Variants in ABCC1 observed in about 807,000 individuals in gnomAD.
ABCC1 encodes ATP binding cassette subfamily C member 1 (ABCC1 blood group).
ABCC1 carries 83 observed loss-of-function variants against 172.9 expected under a neutral mutation model. The observed-to-expected ratio is 0.48, with a 90% CI of 0.40 to 0.58. The LOEUF (loss-of-function observed/expected upper bound fraction) is 0.58, where lower values mean the gene tolerates loss of function less well. Ranked by LOEUF, ABCC1 falls within the 20% of genes least tolerant of loss-of-function variation. The probability of loss-of-function intolerance (pLI) is 0.00; values close to 1 mark genes in which losing one functional copy is unlikely to be tolerated. For missense variants in ABCC1, 1,817 were observed against 2,002.7 expected, an observed-to-expected ratio of 0.91 and a Z score of 1.77; for synonymous variants, 937 against 825.2, an observed-to-expected ratio of 1.14 and a Z score of -2.32.
chr16:16,019,825 G>T (rs2048133557), intron 5 of ABCC1, among the ~76,000 whole-genome samples: 1 of 152,080 alleles, frequency 6.6e-6, no homozygotes, highest in Non-Finnish European at 1.5e-5. Flanking sequence ...GTGGGGCTGG[G>T]ACACCCTGAC....
At chr16:16,006,871 C>CGATGGCGGTGGCGGTGGCGGTGGT (rs2047552880) in intron 1 of ABCC1, among the ~76,000 whole-genome samples, 2 of 148,030 alleles carry the variant, frequency 1.4e-5, no homozygotes, top group Non-Finnish European at 3.0e-5. Context: ...GTGGCGGTGG[C>CGATGGCGGTGGCGGTGGCGGTGGT]GGTGGCGGTG....
Position 15,984,405 on chromosome 16 carries a change from G to A in ABCC1, c.49-23411G>A, listed in dbSNP as rs556206991. Among the ~76,000 whole-genome samples the A allele has an allele frequency of 5.9e-5, 9 of 151,474 alleles. 1 individual carries two copies. The highest frequency in any genetic ancestry group is 2.1e-4 in the South Asian group (1 of 4,796). ...AAATGAGAAACTAAAAGAGGCAATT[G>A]CATTTGGGCAGAGTAACTTTTTATT... On this transcript the variant is annotated intron_variant, in intron 1 of 30. Transcript: ENST00000399410.
At chr16:16,134,278 G>A (rs891031274) in intron 27 of ABCC1, 72 bp from the exon 28 acceptor site, 15 of 1,590,160 alleles carry the variant, frequency 9.4e-6, no homozygotes, top group Non-Finnish European at 1.3e-5. Context: ...GGGCCGAGAT[G>A]AGGGCACTTT....
chr16:16,060,189 A>T (rs560064151), intron 12 of ABCC1, among the ~76,000 whole-genome samples: 2 of 150,104 alleles, frequency 1.3e-5, no homozygotes, highest in Non-Finnish European at 3.0e-5. Flanking sequence ...TGGTCATCTC[A>T]CCTCGCTGGC....
At chr16:15,992,243 C>A (rs2046892835) in intron 1 of ABCC1, among the ~76,000 whole-genome samples, 1 of 151,948 alleles carries the variant, frequency 6.6e-6, no homozygotes, top group Admixed American at 6.6e-5. Flanking sequence ...CCCACCGATT[C>A]TACATAATGG....
chr16:16,102,826 G>A lies in ABCC1; in HGVS notation c.2735+109G>A, dbSNP rs1407152446. The A allele has an allele frequency of 2.4e-5, 24 of 1,019,088 alleles. No homozygotes were observed. The Admixed American group carries it at 6.4e-4, about 27-fold the overall frequency. 63.1% of individuals were successfully genotyped at this position (1,019,088 alleles called of 1,614,324 possible). On this transcript the variant is annotated intron_variant, in intron 20 of 30. Transcript: ENST00000399410. ...CCCCCTGAGGTCCTGGAAGGCCTGG[G>A]CTTTTACCTTCCCTCCCAAATCCTC...
chr16:16,071,810 C>T, intron 14 of ABCC1, 81 bp downstream of exon 14: 1 of 1,273,828 alleles, frequency 7.9e-7, no homozygotes, highest in South Asian at 1.3e-5. Context: ...GCATTTCTTT[C>T]CCTTGGCTGC....
Position 16,048,389 on chromosome 16 carries a change from A to G in ABCC1, c.1380+86A>G. On this transcript the variant is annotated intron_variant, in intron 10 of 30. Transcript: ENST00000399410. ...GGCCGAGGGAGTGGGTGTTGATGGT[A>G]ATGGCATGTAGAGCTCCCTGGCAGT... 6.6e-6 allele frequency: 10 copies of G among 1,507,916 alleles called. No individual in the cohort carries two copies. In the Admixed American group the frequency reaches 1.6e-4, roughly 24 times the overall value. The allele number at this position is 1,507,916 out of a possible 1,614,324, so 93.4% of individuals were successfully genotyped here.
intron 1 of ABCC1, among the ~76,000 whole-genome samples, chr16:15,954,175 A>C (rs2045937717): frequency 6.6e-6 from 1 of 151,804 alleles, no homozygotes; most frequent in African/African-American, 2.4e-5. Flanking sequence ...TGCCTGGCTA[A>C]GTTTTGTATT....
chr16:16,081,622 G>A (rs2151989558), intron 16 of ABCC1, among the ~76,000 whole-genome samples: 1 of 152,302 alleles, frequency 6.6e-6, no homozygotes, highest in East Asian at 1.9e-4. Flanking sequence ...CTTTTTAAAA[G>A]TTAGGATATT....
intron 6 of ABCC1, among the ~76,000 whole-genome samples, chr16:16,034,270 C>A (rs990819008): frequency 6.6e-6 from 1 of 151,654 alleles, no homozygotes; most frequent in Non-Finnish European, 1.5e-5. Context: ...TCAAGTGATT[C>A]TCCCGCCTCA....
In ABCC1 at chr16:16,042,595, C is replaced by T. The variant is rs779311718; in HGVS notation, c.810-1855C>T. Among the ~76,000 whole-genome samples the T allele has an allele frequency of 5.2e-4, 79 of 151,514 alleles. No individual in the cohort carries two copies. The Middle Eastern group carries it at 0.017, about 33-fold the overall frequency. ...GCGCACACCTGTAATCCCAGCTACT[C>T]GGGAGGCTGAGGCAGGAGAATCGCT... On this transcript the variant is annotated intron_variant, in intron 7 of 30. Transcript: ENST00000399410.
At chr16:16,089,458 G>C (rs531138205) in intron 18 of ABCC1, among the ~76,000 whole-genome samples, 1 of 152,016 alleles carries the variant, frequency 6.6e-6, no homozygotes, top group East Asian at 1.9e-4. Context: ...TGAGGCAGGA[G>C]AATCGCTTGA....
chr16:16,007,722 T>C, intron 1 of ABCC1, 94 bp from the exon 2 acceptor site: 3 of 1,312,914 alleles, frequency 2.3e-6, no homozygotes, highest in Non-Finnish European at 3.1e-6. Context: ...TGTCTGTTTC[T>C]TCAAACCCCG....
intron 6 of ABCC1, among the ~76,000 whole-genome samples, chr16:16,034,022 T>C (rs1450630707): frequency 9.1e-6 from 1 of 110,080 alleles, no homozygotes; most frequent in East Asian, 2.7e-4. Flanking sequence ...ATAAGCATCA[T>C]CTTTTTTTTT....
At chr16:15,997,143 G>A (rs575079562) in intron 1 of ABCC1, among the ~76,000 whole-genome samples, 20 of 150,462 alleles carry the variant, frequency 1.3e-4, no homozygotes, top group Middle Eastern at 3.4e-3. Flanking sequence ...CCAGGCTGGA[G>A]TGCAGTGGTG....
chr16:16,008,565 C>T (rs2047646496), intron 2 of ABCC1, among the ~76,000 whole-genome samples: 1 of 150,596 alleles, frequency 6.6e-6, no homozygotes, highest in South Asian at 2.1e-4. Flanking sequence ...AGGAAAATTG[C>T]AATAATGGGC....
chr16:15,964,014 GCT>G (rs1397897204), intron 1 of ABCC1, among the ~76,000 whole-genome samples: 1 of 151,872 alleles, frequency 6.6e-6, no homozygotes, highest in Non-Finnish European at 1.5e-5. Flanking sequence ...CATGATCTCG[GCT>G]CATTGCAACC....
At position 16,083,463 on chromosome 16, in the gene ABCC1, G is replaced by C; in HGVS notation, c.2213G>C (p.Arg738Thr). 6.2e-7 allele frequency: 1 copy of C among 1,613,986 alleles called. No individual in the cohort carries two copies. The change falls in exon 17 of 31, where the codon AGG becomes ACG. Residue 738 changes from arginine to threonine, a missense_variant. Arg to Thr is a moderately conservative substitution (Grantham distance 71, BLOSUM62 -1). This residue lies in a region of ABCC1 where 1,412 missense variants were observed against 1,600.3 expected (regional missense o/e 0.88). Coordinates refer to ENST00000399410, the MANE Select transcript of ABCC1 (RefSeq NM_004996.4). ...FGCQLEEPYY[R>T]SVIQACALLP... ...TGTCAGCTGGAGGAACCATATTACA[G>C]GTCCGTGATACAGGCCTGTGCCCTC...
Sources: allele counts gnomAD v4.1 joint callset (sites outside exome capture counted in the v4.1 genomes callset), GRCh38; gene constraint gnomAD v4.1.1; regional missense constraint gnomAD v4.1.1; transcripts MANE v1.5; gene names NCBI Gene and HGNC (gene_info 2026-07-23, HGNC 2026-07-21).